PLAAT3: variants seen among roughly 807,000 people sequenced by gnomAD.
PLAAT3 encodes the protein Ca-independent phospholipase A1/2.
PLAAT3 carries 21 observed loss-of-function variants against 16.7 expected under a neutral mutation model. The ratio of observed to expected loss-of-function variants is 1.26; its 90% CI spans 0.89 to 1.81. The LOEUF (loss-of-function observed/expected upper bound fraction) is 1.81. Among genes scored for constraint, PLAAT3 ranks in the 40% most tolerant of loss-of-function variants. The pLI is 0.00. For missense variants in PLAAT3, 219 were observed against 213.7 expected, an observed-to-expected ratio of 1.02 and a Z score of -0.16; for synonymous variants, 76 against 81.7, an observed-to-expected ratio of 0.93 and a Z score of 0.38.
At chr11:63,608,177 A>G (rs924755048) in intron 2 of PLAAT3, among the ~76,000 whole-genome samples, 4 of 152,150 alleles carry the variant, frequency 2.6e-5, no homozygotes, top group African/African-American at 7.2e-5. Context: ...GCAAGACTCC[A>G]TCTCAAATTA....
chr11:63,586,111 GGTGT>G (rs59038969), intron 4 of PLAAT3, among the ~76,000 whole-genome samples: 6 of 149,956 alleles, frequency 4.0e-5, no homozygotes, highest in African/African-American at 1.5e-4. Flanking sequence ...CAGCTACTTG[GGTGT>G]GTGTGTGTGT....
rs112557248 is a variant in PLAAT3, at chr11:63,583,029, G to T, written c.387+7071C>A. Among the ~76,000 whole-genome samples, 919 of 152,196 alleles carry T rather than the reference G, an allele frequency of 6.0e-3. 11 individuals are homozygous for T. Among genetic ancestry groups the T allele is most frequent in the African/African-American group, 0.021 (853 of 41,522 alleles). The stretch of plus-strand genomic sequence containing the variant: ...ACCTGTAATCCCAGCTACTCAGAAG[G>T]CTGAGGCAGGAGAATCACTTGAACC... On this transcript the variant is annotated intron_variant, in intron 4 of 4. Transcript: ENST00000415826.
intron 3 of PLAAT3, among the ~76,000 whole-genome samples, chr11:63,594,143 C>A (rs1450476930): frequency 6.6e-6 from 1 of 152,208 alleles, no homozygotes; most frequent in African/African-American, 2.4e-5. Flanking sequence ...TAGGCCTGAG[C>A]AGCTGAATGG....
At chr11:63,614,220 G>A (rs906945132) in intron 1 of PLAAT3, 152 bp from the exon 2 acceptor site, 2 of 638,760 alleles carry the variant, frequency 3.1e-6, no homozygotes, top group Non-Finnish European at 5.4e-6. Context: ...TTTCTCGCCG[G>A]GGCCCGGCGG....
chr11:63,595,703 T>C (rs1938271598), intron 3 of PLAAT3, among the ~76,000 whole-genome samples: 2 of 152,176 alleles, frequency 1.3e-5, no homozygotes, highest in African/African-American at 2.4e-5. Flanking sequence ...TGGATGGTTT[T>C]TTTTAATTCA....
chr11:63,581,511 CA>C (rs543054509), intron 4 of PLAAT3, among the ~76,000 whole-genome samples: 126 of 152,264 alleles, frequency 8.3e-4, no homozygotes, highest in African/African-American at 3.0e-3. Flanking sequence ...AAATTCTAGT[CA>C]GACTGGTTGT....
rs552696620 is a variant in PLAAT3 at position 63,599,564 on chromosome 11, T to C, written c.16-1401A>G. ...ATTAAAACTACAAACAGGTAGCATG[T>C]GTGGCAGGGAATTTTACAGATAAAT... On this transcript the variant is annotated intron_variant, in intron 2 of 4. Transcript: ENST00000415826. Among the ~76,000 whole-genome samples the C allele has an allele frequency of 3.9e-5, 6 of 152,326 alleles. No individual in the cohort carries two copies. The East Asian group carries it at 9.6e-4, about 24-fold the overall frequency.
At chr11:63,601,961 CAAG>C (rs1424617375) in intron 2 of PLAAT3, among the ~76,000 whole-genome samples, 5 of 108,838 alleles carry the variant, frequency 4.6e-5, no homozygotes, top group South Asian at 3.1e-4. Context: ...GCCTGGGTGA[CAAG>C]AGCGAAACTC....
upstream of PLAAT3, among the ~76,000 whole-genome samples, chr11:63,615,246 A>G (rs199575504): frequency 0.033 from 937 of 28,382 alleles, 105 homozygotes; most frequent in East Asian, 0.11. Flanking sequence ...ATGTGTATAT[A>G]TGTGTGTGTA....
chr11:63,601,306 G>A (rs1055888730), intron 2 of PLAAT3, among the ~76,000 whole-genome samples: 2 of 150,668 alleles, frequency 1.3e-5, no homozygotes, highest in Non-Finnish European at 3.0e-5. Context: ...CGCCAGCCTG[G>A]GTGACAGAGT....
chr11:63,581,176 A>G (rs1937804227), intron 4 of PLAAT3, among the ~76,000 whole-genome samples: 1 of 152,338 alleles, frequency 6.6e-6, no homozygotes, highest in Admixed American at 6.5e-5. Context: ...AAATCAGTGC[A>G]CCCTGAAAAA....
At position 63,613,946 on chromosome 11, in the gene PLAAT3, C is replaced by T; in HGVS notation, c.15+54G>A. On this transcript the variant is annotated intron_variant, in intron 2 of 4. Transcript: ENST00000415826. ...AATTCAGGCTCCGAGACAACGAGTC[C>T]CCACTAACAGGGGGCTCCCAGCCCC... 6 of 1,122,520 alleles carry T rather than the reference C, an allele frequency of 5.3e-6. 1 individual carries two copies. The South Asian group carries it at 6.2e-5, about 12-fold the overall frequency. The allele number at this position is 1,122,520 out of a possible 1,614,324, so 69.5% of individuals were successfully genotyped here.
At chr11:63,600,364 T>C (rs1001972863) in intron 2 of PLAAT3, among the ~76,000 whole-genome samples, 2 of 152,218 alleles carry the variant, frequency 1.3e-5, no homozygotes, top group African/African-American at 4.8e-5. Context: ...ACAGAAAAAG[T>C]ATTCCGTTAT....
Position 63,574,844 on chromosome 11 carries a change from T to G in PLAAT3, c.*101A>C. The G allele has an allele frequency of 2.7e-6, 2 of 734,224 alleles. No individual in the cohort carries two copies. Among genetic ancestry groups the G allele is most frequent in the Admixed American group, 4.3e-5 (2 of 46,326 alleles). The allele number at this position is 734,224 out of a possible 1,614,324, so 45.5% of individuals were successfully genotyped here. ...TTTATTCTGTGAAAATAAGCCTTAT[T>G]ATAAATCACAATGAAATCCACAAAC... On this transcript the variant is annotated 3_prime_UTR_variant, in exon 5 of 5. Coordinates refer to ENST00000415826, the MANE Select transcript of PLAAT3 (RefSeq NM_001128203.2).
rs1433204926 is a variant in PLAAT3 at position 63,590,341 on chromosome 11, C to T, written c.146G>A (p.Ser49Asn). Reference protein sequence around the residue: ...PSEVAGAGAASVMSALTDKAI... With the variant: ...PSEVAGAGAANVMSALTDKAI... ...CTTGTCAGTCAGGGCGGACATGACA[C>T]TGGCTGCACCAGCTCCTGCGACCTC... The change falls in exon 4 of 5, where the codon AGT (serine) becomes AAT (asparagine). Residue 49 changes from serine to asparagine, a missense_variant. Coordinates refer to ENST00000415826, the MANE Select transcript of PLAAT3 (RefSeq NM_001128203.2). The T allele has an allele frequency of 6.2e-7, 1 of 1,614,182 alleles. No individual in the cohort carries two copies. Among genetic ancestry groups the T allele is most frequent in the South Asian group, 1.1e-5 (1 of 91,088 alleles).
At chr11:63,582,995 G>A (rs1453843610) in intron 4 of PLAAT3, among the ~76,000 whole-genome samples, 2 of 152,112 alleles carry the variant, frequency 1.3e-5, no homozygotes, top group African/African-American at 4.8e-5. Context: ...GCCAGGCATG[G>A]TGGCACGCAC....
At chr11:63,582,355 G>A (rs1215003398) in intron 4 of PLAAT3, among the ~76,000 whole-genome samples, 1 of 152,174 alleles carries the variant, frequency 6.6e-6, no homozygotes, top group East Asian at 1.9e-4. Context: ...AATTGGCCAA[G>A]GAGCAACCAG....
At chr11:63,593,790 G>A (rs1459722359) in intron 3 of PLAAT3, among the ~76,000 whole-genome samples, 1 of 152,188 alleles carries the variant, frequency 6.6e-6, no homozygotes, top group Non-Finnish European at 1.5e-5. Flanking sequence ...ATGTTGGCCA[G>A]GCTGGTCTCA....
Position 63,595,648 on chromosome 11 carries a change from G to A in PLAAT3, c.118+2413C>T, listed in dbSNP as rs79913410. The stretch of plus-strand genomic sequence containing the variant: ...CATGAGAGAGCCTTTCAGGGTAAGT[G>A]GCACAGTGGGAATGTTCTAGATGTG... On this transcript the variant is annotated intron_variant, in intron 3 of 4. Transcript: ENST00000415826. Among the ~76,000 whole-genome samples, 1,159 of 152,274 alleles carry A rather than the reference G, an allele frequency of 7.6e-3. 9 individuals carry two copies. Among genetic ancestry groups the A allele is most frequent in the Non-Finnish European group, 0.012 (834 of 68,008 alleles).
Sources: allele counts gnomAD v4.1 joint callset (sites outside exome capture counted in the v4.1 genomes callset), GRCh38; gene constraint gnomAD v4.1.1; transcripts MANE v1.5; gene names NCBI Gene and HGNC (gene_info 2026-07-23, HGNC 2026-07-21).